Variants in PHTF2 observed in about 807,000 individuals in gnomAD.
PHTF2 encodes protein PHTF2.
In PHTF2, 60 loss-of-function variants were observed where a neutral mutation model predicts 101.2. That is an observed-to-expected ratio of 0.59 (90% CI 0.48 to 0.73). The LOEUF is 0.73. PHTF2 is among the 30% of genes least tolerant of loss of function. PHTF2 has a pLI of 0.00. For missense variants in PHTF2, 747 were observed against 908.7 expected (o/e 0.82, Z 2.29); for synonymous variants, 311 against 307.3 (o/e 1.01, Z -0.13).
chr7:77,890,819 A>G (rs2150788251), intron 3 of PHTF2, among the ~76,000 whole-genome samples: 1 of 147,522 alleles, frequency 6.8e-6, no homozygotes, highest in East Asian at 2.1e-4. Context: ...GTTAGCTAGG[A>G]TGGTCTCGAT....
At chr7:77,880,516 C>T (rs1342028804) in intron 3 of PHTF2, among the ~76,000 whole-genome samples, 1 of 152,136 alleles carries the variant, frequency 6.6e-6, no homozygotes, top group East Asian at 1.9e-4. Flanking sequence ...AGTGGATGCC[C>T]TCCTTACCCT....
chr7:77,839,101 C>A (rs972443745), intron 1 of PHTF2, among the ~76,000 whole-genome samples: 1 of 152,102 alleles, frequency 6.6e-6, no homozygotes, highest in Non-Finnish European at 1.5e-5. Context: ...CTAGTGGTAG[C>A]GTTTCTACAG....
intron 3 of PHTF2, among the ~76,000 whole-genome samples, chr7:77,880,692 G>C (rs1799336191): frequency 6.6e-6 from 1 of 152,146 alleles, no homozygotes; most frequent in Non-Finnish European, 1.5e-5. Context: ...CTCCACTGTA[G>C]CTCTGGCACC....
At chr7:77,866,952 T>C (rs898981254) in intron 3 of PHTF2, among the ~76,000 whole-genome samples, 1 of 152,174 alleles carries the variant, frequency 6.6e-6, no homozygotes, top group African/African-American at 2.4e-5. Flanking sequence ...TCTTTCCTTG[T>C]CACATGCTGC....
At chr7:77,880,959 A>T (rs542071460) in intron 3 of PHTF2, among the ~76,000 whole-genome samples, 1 of 152,266 alleles carries the variant, frequency 6.6e-6, no homozygotes, top group East Asian at 1.9e-4. Context: ...GACTGCTTCT[A>T]ATACCAACTC....
At chr7:77,895,661 C>T (rs540173818) in intron 5 of PHTF2, among the ~76,000 whole-genome samples, 125 of 152,212 alleles carry the variant, frequency 8.2e-4, no homozygotes, top group South Asian at 1.2e-3. Context: ...CAAATTACTA[C>T]ATTACTTATG....
chr7:77,871,654 C>T (rs1293975864), intron 3 of PHTF2, among the ~76,000 whole-genome samples: 2 of 143,484 alleles, frequency 1.4e-5, no homozygotes, highest in African/African-American at 4.9e-5. Flanking sequence ...TCAGAGCATA[C>T]ACTTTGCCCC....
chr7:77,905,302 T>C (rs149115007), intron 7 of PHTF2, among the ~76,000 whole-genome samples: 1 of 152,250 alleles, frequency 6.6e-6, no homozygotes, highest in Non-Finnish European at 1.5e-5. Flanking sequence ...CATAGTTCAC[T>C]GCAGCCTTGA....
intron 1 of PHTF2, among the ~76,000 whole-genome samples, chr7:77,801,362 G>T (rs1288804987): frequency 6.6e-6 from 1 of 152,178 alleles, no homozygotes; most frequent in East Asian, 1.9e-4. Context: ...AAGGCGGGTG[G>T]ATCACCTGAG....
intron 3 of PHTF2, among the ~76,000 whole-genome samples, chr7:77,858,132 T>C (rs561753659): frequency 1.3e-5 from 2 of 152,312 alleles, no homozygotes; most frequent in South Asian, 4.1e-4. Context: ...TCTTCCTCTT[T>C]AATGTCACTT....
chr7:77,812,304 A>G (rs768173386), intron 1 of PHTF2, among the ~76,000 whole-genome samples: 18 of 152,238 alleles, frequency 1.2e-4, no homozygotes, highest in African/African-American at 1.7e-4. Flanking sequence ...GTATTTGAAG[A>G]GAGATATAAA....
intron 12 of PHTF2, among the ~76,000 whole-genome samples, chr7:77,932,716 G>A (rs984712656): frequency 5.9e-5 from 9 of 151,756 alleles, no homozygotes; most frequent in Non-Finnish European, 1.2e-4. Flanking sequence ...TGAGGGTCCA[G>A]CTGGAATCTG....
intron 11 of PHTF2, among the ~76,000 whole-genome samples, chr7:77,924,753 G>T (rs1204860815): frequency 6.6e-6 from 1 of 152,166 alleles, no homozygotes; most frequent in East Asian, 1.9e-4. Flanking sequence ...TTTTAGGGAA[G>T]ACTTATCCAG....
chr7:77,935,884 T>C (rs1805082041), intron 12 of PHTF2, among the ~76,000 whole-genome samples: 1 of 152,236 alleles, frequency 6.6e-6, no homozygotes, highest in African/African-American at 2.4e-5. Flanking sequence ...TTGGTTTCCT[T>C]ACGCTTAACA....
exon 7 of PHTF2, chr7:77,901,764 T>A (rs1801417907): frequency 6.7e-7 from 1 of 1,496,868 alleles, no homozygotes; most frequent in East Asian, 2.5e-5. Flanking sequence ...TTTTTCAGGG[T>A]CTGCATTTGC....
intron 3 of PHTF2, among the ~76,000 whole-genome samples, chr7:77,874,152 G>A (rs577106508): frequency 6.6e-6 from 1 of 152,268 alleles, no homozygotes; most frequent in South Asian, 2.1e-4. Context: ...TGATGAATCA[G>A]GAGTGTCAAA....
intron 9 of PHTF2, among the ~76,000 whole-genome samples, chr7:77,919,998 C>G (rs2150909470): frequency 6.6e-6 from 1 of 152,132 alleles, no homozygotes; most frequent in East Asian, 1.9e-4. Context: ...AGATTTTGTT[C>G]AAAGACCAGA....
chr7:77,811,389 C>T (rs1225194001), intron 1 of PHTF2, among the ~76,000 whole-genome samples: 2 of 152,200 alleles, frequency 1.3e-5, no homozygotes, highest in Non-Finnish European at 2.9e-5. Flanking sequence ...GTAATTAATA[C>T]ATACTGTGGC....
chr7:77,945,768 A>T (rs902187061), intron 16 of PHTF2, among the ~76,000 whole-genome samples: 1 of 152,194 alleles, frequency 6.6e-6, no homozygotes, highest in East Asian at 1.9e-4. Context: ...ATTAAAACGG[A>T]CTCAAAAAGT....
Sources: allele counts gnomAD v4.1 joint callset (sites outside exome capture counted in the v4.1 genomes callset), GRCh38; gene constraint gnomAD v4.1.1; transcripts MANE v1.5; gene names NCBI Gene and HGNC (gene_info 2026-07-23, HGNC 2026-07-21).